The following AKAP13 variants were observed in gnomAD, a reference collection of about 807,000 sequenced individuals.
AKAP13 encodes A-kinase anchor protein 13.
In AKAP13, 80 loss-of-function variants were observed where a neutral mutation model predicts 264.5. The observed-to-expected ratio is 0.30, with a 90% CI of 0.25 to 0.36. The LOEUF (loss-of-function observed/expected upper bound fraction) is 0.36, where lower values mean the gene tolerates loss of function less well. AKAP13 is among the 10% of genes least tolerant of loss of function. AKAP13 has a pLI of 1.00. For synonymous variants in AKAP13, 1,380 were observed against 1,250.2 expected (o/e 1.10, Z -2.19); for missense variants, 3,712 against 3,435.2 (o/e 1.08, Z -2.01).
rs761670555 is a variant in AKAP13 at position 85,582,006 on chromosome 15, G to A, written c.3938G>A (p.Ser1313Asn). 6.2e-7 allele frequency: 1 copy of A among 1,614,200 alleles called. No homozygotes were observed. The highest frequency in any genetic ancestry group is 1.1e-5 in the South Asian group (1 of 91,082). ...FPPGESLPMG[S>N]TPEEATGSLA... ...CCTGGGGAGAGCCTACCAATGGGCAGTACTCCTGAGGAAGCCACGGGGAGC... is the reference window on the plus strand; with the variant it reads ...CCTGGGGAGAGCCTACCAATGGGCAATACTCCTGAGGAAGCCACGGGGAGC... The change falls in exon 7 of 37, where the codon AGT (serine) becomes AAT (asparagine). Residue 1313 changes from serine to asparagine, a missense_variant. By Grantham distance (46) the Ser-to-Asn change is conservative (BLOSUM62 1). Around this residue, in one of 3 missense-constraint regions of AKAP13, gnomAD observed 2,759 missense variants for 2,411.7 expected, o/e 1.14. Transcript: ENST00000394518.
chr15:85,471,324 T>C (rs1453146309), intron 1 of AKAP13, among the ~76,000 whole-genome samples: 1 of 152,088 alleles, frequency 6.6e-6, no homozygotes. Flanking sequence ...TGAAACCCTG[T>C]CTCTACTAAA....
chr15:85,438,662 C>T (rs1382006386), intron 1 of AKAP13, among the ~76,000 whole-genome samples: 4 of 149,800 alleles, frequency 2.7e-5, no homozygotes, highest in African/African-American at 4.9e-5. Flanking sequence ...GAAATAACGC[C>T]GCATATATAC....
rs1442805033 is a variant in AKAP13, at chr15:85,557,065, A to G, written c.662+13110A>G. 2.6e-5 allele frequency among the ~76,000 whole-genome samples: 4 copies of G among 152,238 alleles called. No homozygotes were observed. In the East Asian group the frequency reaches 5.8e-4, roughly 22 times the overall value. Reference sequence around the variant, plus strand: ...GTTTAAGGTGTGAGTGTTCAGTCGAATACCTCTTAGTGCCATTTTAAAATG... The same window carrying G: ...GTTTAAGGTGTGAGTGTTCAGTCGAGTACCTCTTAGTGCCATTTTAAAATG... On this transcript the variant is annotated intron_variant, in intron 5 of 36. Transcript: ENST00000394518.
chr15:85,487,893 G>A (rs1050955982), intron 2 of AKAP13, among the ~76,000 whole-genome samples: 5 of 149,348 alleles, frequency 3.3e-5, no homozygotes, highest in Non-Finnish European at 7.4e-5. Flanking sequence ...CATCATGCCT[G>A]GCTATTTATT....
intron 1 of AKAP13, among the ~76,000 whole-genome samples, chr15:85,411,260 GTTCCAC>G (rs2071950704): frequency 6.6e-6 from 1 of 152,212 alleles, no homozygotes; most frequent in Non-Finnish European, 1.5e-5. Context: ...AATAATGCCA[GTTCCAC>G]TTAATGTCTG....
At chr15:85,425,775 C>G (rs1314993942) in intron 1 of AKAP13, among the ~76,000 whole-genome samples, 1 of 148,922 alleles carries the variant, frequency 6.7e-6, no homozygotes, top group African/African-American at 2.5e-5. Flanking sequence ...CTTTGCATTA[C>G]TGTGGGAGTT....
At chr15:85,646,066 AAT>A (rs2082546737) in intron 10 of AKAP13, 112 bp downstream of exon 10, 1 of 1,319,676 alleles carries the variant, frequency 7.6e-7, no homozygotes, top group Non-Finnish European at 1.0e-6. Flanking sequence ...TGTTTCCCTA[AAT>A]ATGTAACTCC....
intron 1 of AKAP13, among the ~76,000 whole-genome samples, chr15:85,434,453 C>A (rs1017055291): frequency 2.6e-5 from 4 of 152,212 alleles, no homozygotes; most frequent in African/African-American, 9.6e-5. Flanking sequence ...GAAGCTCGAA[C>A]TGGGTGGAGC....
chr15:85,512,291 G>A (rs751684883), intron 2 of AKAP13, among the ~76,000 whole-genome samples: 19 of 152,122 alleles, frequency 1.2e-4, no homozygotes, highest in African/African-American at 4.6e-4. Context: ...TTTGTCACAC[G>A]TTTGGACCCA....
chr15:85,504,142 AC>A (rs2076117947), intron 2 of AKAP13, among the ~76,000 whole-genome samples: 2 of 152,160 alleles, frequency 1.3e-5, no homozygotes, highest in Non-Finnish European at 2.9e-5. Context: ...ATAATAAATA[AC>A]CAAGAAAGCT....
chr15:85,725,798 T>C (rs1001806968), intron 26 of AKAP13, among the ~76,000 whole-genome samples: 44 of 152,230 alleles, frequency 2.9e-4, no homozygotes, highest in African/African-American at 1.1e-3. Flanking sequence ...AGCTAGAGTT[T>C]AAGCTGACTA....
chr15:85,562,564 C>CAAAAAAAA (rs1253215813), intron 5 of AKAP13, among the ~76,000 whole-genome samples: 2 of 33,882 alleles, frequency 5.9e-5, no homozygotes, highest in East Asian at 1.1e-3. Context: ...GAATCTGCCT[C>CAAAAAAAA]AAAAAAAAAA....
intron 13 of AKAP13, among the ~76,000 whole-genome samples, chr15:85,665,318 T>G (rs1445814040): frequency 6.6e-6 from 1 of 152,234 alleles, no homozygotes; most frequent in African/African-American, 2.4e-5. Context: ...GAGTTTTTCC[T>G]TCTTATCTGA....
intron 17 of AKAP13, among the ~76,000 whole-genome samples, chr15:85,705,711 G>A (rs927650257): frequency 6.6e-6 from 1 of 152,146 alleles, no homozygotes; most frequent in Non-Finnish European, 1.5e-5. Flanking sequence ...TGAACACATA[G>A]TAACATTCTG....
intron 2 of AKAP13, among the ~76,000 whole-genome samples, chr15:85,495,124 A>G (rs1451671180): frequency 3.9e-5 from 6 of 152,244 alleles, no homozygotes; most frequent in Non-Finnish European, 7.3e-5. Context: ...CAGCTATTTC[A>G]TCTTTATACT....
chr15:85,479,429 C>T (rs2075283897), intron 1 of AKAP13, among the ~76,000 whole-genome samples: 1 of 152,184 alleles, frequency 6.6e-6, no homozygotes, highest in Non-Finnish European at 1.5e-5. Flanking sequence ...CCAGTCTTAG[C>T]AGGATCCCTG....
intron 1 of AKAP13, among the ~76,000 whole-genome samples, chr15:85,439,979 AT>A (rs1305720244): frequency 7.5e-4 from 113 of 151,376 alleles, no homozygotes; most frequent in African/African-American, 1.7e-3. Context: ...ATAAAAAATA[AT>A]AATAATAATA....
chr15:85,554,136 C>T (rs549417422), intron 5 of AKAP13, among the ~76,000 whole-genome samples: 2 of 152,246 alleles, frequency 1.3e-5, no homozygotes, highest in South Asian at 4.2e-4. Context: ...TCACTTAATC[C>T]TTGTTCAGCA....
chr15:85,524,462 C>T (rs999996546), intron 3 of AKAP13, among the ~76,000 whole-genome samples: 6 of 151,988 alleles, frequency 3.9e-5, no homozygotes, highest in African/African-American at 7.3e-5. Flanking sequence ...ACGTGAGCCA[C>T]CGTGCCCAGC....
Sources: allele counts gnomAD v4.1 joint callset (sites outside exome capture counted in the v4.1 genomes callset), GRCh38; gene constraint gnomAD v4.1.1; regional missense constraint gnomAD v4.1.1; transcripts MANE v1.5; gene names NCBI Gene and HGNC (gene_info 2026-07-23, HGNC 2026-07-21).